The following COQ7 variants were observed in gnomAD, a reference collection of about 807,000 sequenced individuals.
COQ7 encodes NADPH-dependent 3-demethoxyubiquinone 3-hydroxylase, mitochondrial.
Under a neutral mutation model 25.0 loss-of-function variants are expected in COQ7, and 21 were observed. The observed-to-expected ratio is 0.84, with a 90% CI of 0.60 to 1.21. The LOEUF (loss-of-function observed/expected upper bound fraction) is 1.21, where lower values mean the gene tolerates loss of function less well. Among genes scored for constraint, COQ7 ranks in the 50% most tolerant of loss-of-function variants. The pLI is 0.00. For missense variants in COQ7, 311 were observed against 296.2 expected, an observed-to-expected ratio of 1.05 and a Z score of -0.37; for synonymous variants, 125 against 112.4, an observed-to-expected ratio of 1.11 and a Z score of -0.71.
At position 19,075,847 on chromosome 16, in the gene COQ7, A is replaced by G; in HGVS notation, c.494A>G (p.Glu165Gly). Residue 165 changes from glutamate (E) to glycine (G), a missense_variant, in exon 4 of 6, where the codon GAG becomes GGG. Physicochemically the swap from Glu to Gly is moderately conservative, Grantham distance 98. Coordinates refer to ENST00000321998, the MANE Select transcript of COQ7 (RefSeq NM_016138.5). ...TLMEEDPEKYEELLQLIKKFR... is the reference protein window; with the variant it reads ...TLMEEDPEKYGELLQLIKKFR... ...ATGGAGGAGGACCCTGAAAAATACGAGGAACTTCTTCAGGTATTTATCCGT... is the reference window on the plus strand; with the variant it reads ...ATGGAGGAGGACCCTGAAAAATACGGGGAACTTCTTCAGGTATTTATCCGT... 3 of 1,614,220 alleles carry G rather than the reference A, an allele frequency of 1.9e-6. No individual in the cohort carries two copies. The highest frequency in any genetic ancestry group is 2.5e-6 in the Non-Finnish European group (3 of 1,180,038).
At position 19,075,199 on chromosome 16, in the gene COQ7, ATTT is replaced by A. The variant is rs71143834; in HGVS notation, c.368-503_368-501del. On this transcript the variant is annotated intron_variant, in intron 3 of 5. Transcript: ENST00000321998. ...AGGACATGTGGCAATACCTAGGGAC[ATTT>A]TTTTTTTTTTTTTTTTTTGAGATGG... Among the ~76,000 whole-genome samples, 24 of 89,304 alleles carry A rather than the reference ATTT, an allele frequency of 2.7e-4. No homozygotes were observed. In the South Asian group the frequency reaches 3.3e-3, roughly 12 times the overall value. The allele number at this position is 89,304 out of a possible 152,430, so 58.6% of individuals were successfully genotyped here.
chr16:19,079,138 C>G lies in COQ7; in HGVS notation c.*980C>G, dbSNP rs887921623. ...TCATCCTCTCCACAGTGTGAGACTTCAAGGGGAAGTATGAGACTTCTCTGA... is the reference window on the plus strand; with the variant it reads ...TCATCCTCTCCACAGTGTGAGACTTGAAGGGGAAGTATGAGACTTCTCTGA... On this transcript the variant is annotated 3_prime_UTR_variant, in exon 6 of 6. Coordinates refer to ENST00000321998, the MANE Select transcript of COQ7 (RefSeq NM_016138.5). The G allele has an allele frequency of 2.6e-5, 4 of 152,282 alleles. No homozygotes were observed. The highest frequency in any genetic ancestry group is 2.6e-4 in the Admixed American group (4 of 15,282). The allele number at this position is 152,282 out of a possible 1,614,324, so 9.4% of individuals were successfully genotyped here.
rs765074767 is a variant in COQ7 at position 19,076,254 on chromosome 16, AT to A, written c.507+416del. On this transcript the variant is annotated intron_variant, in intron 4 of 5. Coordinates refer to ENST00000321998, the MANE Select transcript of COQ7 (RefSeq NM_016138.5). The stretch of plus-strand genomic sequence containing the variant: ...CATACATAGCCACCACTCACAGCTA[AT>A]TTTTTTTTTTTTTTTTTTTTTAAGA... Among the ~76,000 whole-genome samples the A allele has an allele frequency of 5.9e-3, 707 of 120,716 alleles. 1 individual carries two copies. Among genetic ancestry groups the A allele is most frequent in the Non-Finnish European group, 6.8e-3 (406 of 59,676 alleles). The allele number at this position is 120,716 out of a possible 152,430, so 79.2% of individuals were successfully genotyped here. A position where few individuals can be genotyped will look rare whatever the true frequency, so the allele number is the denominator to read the frequency against.
chr16:19,075,701 T>C lies in COQ7; in HGVS notation c.368-20T>C. On this transcript the variant is annotated intron_variant, in intron 3 of 5. Coordinates refer to ENST00000321998, the MANE Select transcript of COQ7 (RefSeq NM_016138.5). ...TCATATCTGTCTCTTACTTTTCTGG[T>C]CTGGGTTTAACAATCCCAGGGGCGG... 1 of 1,544,592 alleles carries C rather than the reference T, an allele frequency of 6.5e-7. No individual in the cohort carries two copies. Among genetic ancestry groups the C allele is most frequent in the East Asian group, 2.3e-5 (1 of 43,980 alleles).
intron 1 of COQ7, chr16:19,068,659 CAAA>C (rs35036144): frequency 0.021 from 3,826 of 178,562 alleles, no homozygotes; most frequent in South Asian, 0.049. Flanking sequence ...CTCCCCCGCG[CAAA>C]AAAAAAAAAA....
intron 2 of COQ7, among the ~76,000 whole-genome samples, chr16:19,073,385 T>C (rs532318719): frequency 3.3e-5 from 5 of 151,958 alleles, no homozygotes; most frequent in East Asian, 1.9e-4. Flanking sequence ...CCCAGCTAAT[T>C]TGAGAGGCCG....
downstream of COQ7, among the ~76,000 whole-genome samples, chr16:19,081,993 C>T (rs1439806489): frequency 6.6e-6 from 1 of 151,926 alleles, no homozygotes; most frequent in African/African-American, 2.4e-5. Flanking sequence ...TTTACTCCAG[C>T]CTGGGCAACA....
At chr16:19,075,269 C>T in intron 3 of COQ7, among the ~76,000 whole-genome samples, 1 of 140,028 alleles carries the variant, frequency 7.1e-6, no homozygotes, top group East Asian at 2.1e-4. Context: ...GTGGCGTGAT[C>T]TTGGCTCACT....
chr16:19,068,779 G>GT lies in COQ7; in HGVS notation c.73+1049dup, dbSNP rs577673107. ...GCTTGAACTTTTGATTACTAGATGT[G>GT]TTTTTTTGTATAGCTATGTCCCATT... On this transcript the variant is annotated intron_variant, in intron 1 of 5. Transcript: ENST00000321998. 103 of 377,722 alleles carry GT rather than the reference G, an allele frequency of 2.7e-4. 2 individuals are homozygous for GT. The highest frequency in any genetic ancestry group is 2.0e-3 in the African/African-American group (93 of 47,682). The allele number at this position is 377,722 out of a possible 1,614,324, so 23.4% of individuals were successfully genotyped here.
At chr16:19,083,080 A>G (rs561956742), downstream of COQ7, among the ~76,000 whole-genome samples, 1 of 152,310 alleles carries the variant, frequency 6.6e-6, no homozygotes, top group African/African-American at 2.4e-5. Context: ...ACATGTTAAA[A>G]TTGTGAATTG....
At chr16:19,070,912 T>TA (rs1810163885) in intron 1 of COQ7, among the ~76,000 whole-genome samples, 1 of 152,184 alleles carries the variant, frequency 6.6e-6, no homozygotes, top group Non-Finnish European at 1.5e-5. Context: ...CCTTTTGAGT[T>TA]ACTCTAATAT....
chr16:19,067,619 T>C lies in COQ7; in HGVS notation c.-46T>C, dbSNP rs1175456563. On this transcript the variant is annotated 5_prime_UTR_variant, in exon 1 of 6. Transcript: ENST00000321998. ...CATCAGTCCGAGCCAAGGGCACTAT[T>C]GGCCAGTTCCGTTCAACGAAGTGGT... 3.1e-6 allele frequency: 5 copies of C among 1,610,502 alleles called. No homozygotes were observed. The highest frequency in any genetic ancestry group is 2.7e-5 in the African/African-American group (2 of 74,852).
At chr16:19,076,166 A>G (rs994817151) in intron 4 of COQ7, among the ~76,000 whole-genome samples, 1 of 151,804 alleles carries the variant, frequency 6.6e-6, no homozygotes, top group South Asian at 2.1e-4. Flanking sequence ...AGCTCACTGC[A>G]TCTTCAAACT....
In COQ7 at chr16:19,077,449, G is replaced by A. The variant is rs557900597; in HGVS notation, c.576+75G>A. On this transcript the variant is annotated intron_variant, in intron 5 of 5. Coordinates refer to ENST00000321998, the MANE Select transcript of COQ7 (RefSeq NM_016138.5). Reference sequence around the variant, plus strand: ...GCTGAAGGGGCAGGAGGTTTCTGTTGCCAGAAAAATACATTTTAAAGTGAC... The same window carrying A: ...GCTGAAGGGGCAGGAGGTTTCTGTTACCAGAAAAATACATTTTAAAGTGAC... The A allele has an allele frequency of 3.2e-6, 4 of 1,266,680 alleles. No homozygotes were observed. The East Asian group carries it at 9.5e-5, about 30-fold the overall frequency. 78.5% of individuals were successfully genotyped at this position (1,266,680 alleles called of 1,614,324 possible). A position where few individuals can be genotyped will look rare whatever the true frequency, so the allele number is the denominator to read the frequency against.
chr16:19,078,288 G>GTTT lies in COQ7; in HGVS notation c.*141_*143dup. ...ATTTTGTTAATAAATTATAAGGTTT[G>GTTT]TTTTTTTTTTTTTAAACTCTGCAGT... On this transcript the variant is annotated 3_prime_UTR_variant, in exon 6 of 6. Coordinates refer to ENST00000321998, the MANE Select transcript of COQ7 (RefSeq NM_016138.5). The GTTT allele has an allele frequency of 1.8e-4, 91 of 515,262 alleles. No individual in the cohort carries two copies. Among genetic ancestry groups the GTTT allele is most frequent in the South Asian group, 6.2e-4 (15 of 24,276 alleles). The allele number at this position is 515,262 out of a possible 1,614,324, so 31.9% of individuals were successfully genotyped here. A position where few individuals can be genotyped will look rare whatever the true frequency, so the allele number is the denominator to read the frequency against.
intron 1 of COQ7, among the ~76,000 whole-genome samples, chr16:19,070,102 A>G (rs1396280309): frequency 1.3e-5 from 2 of 152,110 alleles, no homozygotes; most frequent in African/African-American, 4.8e-5. Flanking sequence ...CTCTTTAGTC[A>G]GATATGCTCA....
At chr16:19,069,937 C>T (rs35450989) in intron 1 of COQ7, among the ~76,000 whole-genome samples, 27,054 of 151,848 alleles carry the variant, frequency 0.18, 2,505 homozygotes, top group Admixed American at 0.21. Context: ...GCACGTGCCA[C>T]GATGCCTGGC....
At chr16:19,069,691 G>C (rs1236056532) in intron 1 of COQ7, among the ~76,000 whole-genome samples, 1 of 150,688 alleles carries the variant, frequency 6.6e-6, no homozygotes, top group Admixed American at 6.6e-5. Flanking sequence ...GATTACAGGC[G>C]TGAGTCGCCG....
chr16:19,075,921 G>C, intron 4 of COQ7, 61 bp downstream of exon 4: 1 of 1,606,598 alleles, frequency 6.2e-7, no homozygotes, highest in Non-Finnish European at 8.5e-7. Context: ...TAGCAATTGG[G>C]TAAGAGGAAA....
Sources: allele counts gnomAD v4.1 joint callset (sites outside exome capture counted in the v4.1 genomes callset), GRCh38; gene constraint gnomAD v4.1.1; transcripts MANE v1.5; gene names NCBI Gene and HGNC (gene_info 2026-07-23, HGNC 2026-07-21).